ANKRD17: variants seen among roughly 807,000 people sequenced by gnomAD.
ANKRD17 encodes ankyrin repeat domain-containing protein 17.
A neutral mutation model predicts 229.7 loss-of-function variants in ANKRD17; 19 were observed. That is an observed-to-expected ratio of 0.08 (90% CI 0.06 to 0.12). ANKRD17 has a LOEUF of 0.12. ANKRD17 is among the 10% of genes least tolerant of loss of function. The pLI, the probability that ANKRD17 is intolerant of heterozygous loss-of-function variation, is 1.00. For missense variants in ANKRD17, 2,176 were observed against 3,176.8 expected (o/e 0.68, Z 7.57); for synonymous variants, 1,112 against 1,146.1 (o/e 0.97, Z 0.60).
intron 16 of ANKRD17, among the ~76,000 whole-genome samples, chr4:73,125,569 C>CT (rs1727326375): frequency 6.6e-6 from 1 of 151,936 alleles, no homozygotes; most frequent in African/African-American, 2.4e-5. Flanking sequence ...CCCATCTTGA[C>CT]TGAAAATATA....
chr4:73,251,122 T>C (rs950857420), intron 1 of ANKRD17, among the ~76,000 whole-genome samples: 5 of 152,086 alleles, frequency 3.3e-5, no homozygotes, highest in African/African-American at 9.7e-5. Flanking sequence ...ACACAAAAAG[T>C]TGACTCCTTT....
In ANKRD17 at chr4:73,085,212, T is replaced by C. The variant is rs191971603; in HGVS notation, c.7159+37A>G. On this transcript the variant is annotated intron_variant, in intron 30 of 33. Transcript: ENST00000358602. Reference sequence around the variant, plus strand: ...AACCTGCTGTTTTTAAGAAAACATATGCAGATTCTTATGGAATTACGGTGT... The same window carrying C: ...AACCTGCTGTTTTTAAGAAAACATACGCAGATTCTTATGGAATTACGGTGT... 2.3e-4 allele frequency: 366 copies of C among 1,593,054 alleles called. 1 individual carries two copies. In the African/African-American group the frequency reaches 3.8e-3, roughly 17 times the overall value.
At chr4:73,255,493 G>C (rs1453285339) in intron 1 of ANKRD17, among the ~76,000 whole-genome samples, 1 of 152,046 alleles carries the variant, frequency 6.6e-6, no homozygotes, top group Non-Finnish European at 1.5e-5. Flanking sequence ...GAATGAATTA[G>C]AGAAAAGACA....
chr4:73,112,430 G>T (rs1220755964), intron 24 of ANKRD17, among the ~76,000 whole-genome samples: 1 of 152,140 alleles, frequency 6.6e-6, no homozygotes, highest in Non-Finnish European at 1.5e-5. Flanking sequence ...TCAAGTAATA[G>T]TTATAGTGGT....
At chr4:73,195,308 A>G (rs1327183747) in intron 1 of ANKRD17, among the ~76,000 whole-genome samples, 2 of 152,002 alleles carry the variant, frequency 1.3e-5, no homozygotes, top group Non-Finnish European at 2.9e-5. Context: ...CATGATATAT[A>G]TTGGTTTTAA....
intron 1 of ANKRD17, among the ~76,000 whole-genome samples, chr4:73,230,907 A>G (rs1392888011): frequency 6.6e-6 from 1 of 152,204 alleles, no homozygotes; most frequent in Admixed American, 6.5e-5. Context: ...GGTTCTATGT[A>G]CACAAAACTG....
At chr4:73,223,045 T>C in intron 1 of ANKRD17, 1 of 1,535,992 alleles carries the variant, frequency 6.5e-7, no homozygotes, top group Non-Finnish European at 8.7e-7. Flanking sequence ...CAAACTGCCA[T>C]GTTTCTTACT....
chr4:73,165,292 A>G (rs749134436), intron 2 of ANKRD17, among the ~76,000 whole-genome samples: 1 of 152,226 alleles, frequency 6.6e-6, no homozygotes, highest in Non-Finnish European at 1.5e-5. Flanking sequence ...GTAATCAGAC[A>G]CAAGTTTTCA....
At chr4:73,097,694 C>T (rs1178769215) in intron 26 of ANKRD17, among the ~76,000 whole-genome samples, 1 of 152,128 alleles carries the variant, frequency 6.6e-6, no homozygotes, top group Admixed American at 6.6e-5. Flanking sequence ...CCACTTTGGC[C>T]TCCCAAAGAG....
rs1380966508 is a variant in ANKRD17, at chr4:73,240,066, T to C, written c.393+18210A>G. 2.0e-5 allele frequency among the ~76,000 whole-genome samples: 3 copies of C among 152,040 alleles called. No individual in the cohort carries two copies. The East Asian group carries it at 5.8e-4, about 29-fold the overall frequency. Reference sequence around the variant, plus strand: ...CAGTGAAACAGTTCTTCAAAGAACATTGGAAAGATAGTGCAAGAGAACTAC... The same window carrying C: ...CAGTGAAACAGTTCTTCAAAGAACACTGGAAAGATAGTGCAAGAGAACTAC... On this transcript the variant is annotated intron_variant, in intron 1 of 33. Transcript: ENST00000358602.
intron 1 of ANKRD17, among the ~76,000 whole-genome samples, chr4:73,249,944 T>C (rs1189189184): frequency 1.3e-5 from 2 of 152,220 alleles, no homozygotes; most frequent in Non-Finnish European, 2.9e-5. Flanking sequence ...GGATTCCATC[T>C]CTAGCCCTAC....
At chr4:73,092,799 C>T (rs1722911586) in intron 28 of ANKRD17, among the ~76,000 whole-genome samples, 1 of 152,108 alleles carries the variant, frequency 6.6e-6, no homozygotes, top group Admixed American at 6.5e-5. Context: ...TCTGGGATGA[C>T]TCCGTCTACT....
chr4:73,230,962 T>C (rs951808211), intron 1 of ANKRD17, among the ~76,000 whole-genome samples: 5 of 152,216 alleles, frequency 3.3e-5, no homozygotes, highest in Admixed American at 1.3e-4. Flanking sequence ...TTTGTCTGAA[T>C]TGTACATTTT....
chr4:73,129,039 A>G (rs959651998), intron 16 of ANKRD17, among the ~76,000 whole-genome samples: 2 of 152,244 alleles, frequency 1.3e-5, no homozygotes, highest in African/African-American at 2.4e-5. Context: ...TATATTGCAC[A>G]AAGTTACATT....
intron 16 of ANKRD17, among the ~76,000 whole-genome samples, chr4:73,126,722 C>T (rs1236039583): frequency 6.6e-6 from 1 of 152,036 alleles, no homozygotes; most frequent in Non-Finnish European, 1.5e-5. Context: ...ATTTCTCATA[C>T]TTTTATTATT....
chr4:73,135,381 A>G (rs1457385308), intron 15 of ANKRD17, 116 bp from the exon 16 acceptor site: 2 of 914,260 alleles, frequency 2.2e-6, no homozygotes, highest in Admixed American at 5.8e-5. Context: ...CAGGAAGACT[A>G]CTATAGCACT....
chr4:73,180,176 G>A (rs1468970588), intron 1 of ANKRD17, among the ~76,000 whole-genome samples: 7 of 151,962 alleles, frequency 4.6e-5, no homozygotes, highest in Non-Finnish European at 8.8e-5. Context: ...AGAGATCAGA[G>A]GTGCTAAAGA....
chr4:73,097,345 C>A, intron 26 of ANKRD17, 73 bp from the exon 27 acceptor site: 1 of 1,303,696 alleles, frequency 7.7e-7, no homozygotes, highest in East Asian at 2.7e-5. Flanking sequence ...AGGTAGTCTA[C>A]TACCCAATTT....
chr4:73,183,016 G>T (rs577239941), intron 1 of ANKRD17, among the ~76,000 whole-genome samples: 171 of 152,264 alleles, frequency 1.1e-3, no homozygotes, highest in African/African-American at 3.7e-3. Context: ...AAGAGGTTGA[G>T]AATCACTGGG....
Sources: allele counts gnomAD v4.1 joint callset (sites outside exome capture counted in the v4.1 genomes callset), GRCh38; gene constraint gnomAD v4.1.1; transcripts MANE v1.5; gene names NCBI Gene and HGNC (gene_info 2026-07-23, HGNC 2026-07-21).